CHL1: variants seen among roughly 807,000 people sequenced by gnomAD.
CHL1 encodes the protein cell adhesion molecule L1 like, also known as neural cell adhesion molecule L1-like protein.
In CHL1, 96 loss-of-function variants were observed where a neutral mutation model predicts 141.9. That is an observed-to-expected ratio of 0.68 (90% confidence interval 0.57 to 0.80). CHL1 has a LOEUF of 0.80. Ranked by LOEUF, CHL1 falls within the 30% of genes least tolerant of loss-of-function variation. The pLI is 0.00. For synonymous variants in CHL1, 613 were observed against 502.2 expected, an observed-to-expected ratio of 1.22 and a Z score of -2.95; for missense variants, 1,820 against 1,457.2, an observed-to-expected ratio of 1.25 and a Z score of -4.05.
intron 1 of CHL1, among the ~76,000 whole-genome samples, chr3:209,956 T>C (rs1011612319): frequency 2.6e-5 from 4 of 152,228 alleles, no homozygotes; most frequent in Non-Finnish European, 5.9e-5. Context: ...CACCATTCCA[T>C]TGACTTTTGA....
chr3:312,153 AT>A (rs1321220816), intron 2 of CHL1, among the ~76,000 whole-genome samples: 1 of 152,210 alleles, frequency 6.6e-6, no homozygotes, highest in East Asian at 1.9e-4. Context: ...AAATGATATT[AT>A]TAATGATATT....
chr3:238,769 A>G (rs1269539306), intron 1 of CHL1, among the ~76,000 whole-genome samples: 2 of 52,028 alleles, frequency 3.8e-5, no homozygotes, highest in East Asian at 1.4e-3. Flanking sequence ...TACTAAAAAT[A>G]CAAAAAAAAA....
intron 1 of CHL1, among the ~76,000 whole-genome samples, chr3:230,833 CT>C (rs1701791282): frequency 6.6e-6 from 1 of 152,162 alleles, no homozygotes; most frequent in African/African-American, 2.4e-5. Context: ...GCTGAACAAT[CT>C]CTTTTTTCAG....
At chr3:232,756 A>T (rs939042762) in intron 1 of CHL1, among the ~76,000 whole-genome samples, 5 of 147,972 alleles carry the variant, frequency 3.4e-5, no homozygotes, top group African/African-American at 1.3e-4. Context: ...AGCTCCAGTT[A>T]AAAAAAAAAT....
intron 1 of CHL1, among the ~76,000 whole-genome samples, chr3:204,089 T>C (rs373703751): frequency 2.1e-4 from 32 of 152,348 alleles, no homozygotes; most frequent in Middle Eastern, 3.4e-3. Context: ...TATTCAGTGG[T>C]GTGTTTCAGT....
In CHL1 at chr3:382,686, A is replaced by C. The variant is rs754570790; in HGVS notation, c.2176+15A>C. ...ACCACCAGCAGGTATGCAGGTTCTC[A>C]CATCAGGTTTCTAACAAAATATTTG... On this transcript the variant is annotated intron_variant, in intron 18 of 27. Coordinates refer to ENST00000256509, the MANE Select transcript of CHL1 (RefSeq NM_006614.4). The C allele has an allele frequency of 2.5e-6, 4 of 1,607,178 alleles. No homozygotes were observed. The highest frequency in any genetic ancestry group is 3.4e-6 in the Non-Finnish European group (4 of 1,173,926).
intron 19 of CHL1, among the ~76,000 whole-genome samples, chr3:388,584 T>C (rs1575262779): frequency 6.6e-6 from 1 of 151,314 alleles, no homozygotes; most frequent in African/African-American, 2.4e-5. Context: ...AAAAAAAAAG[T>C]TATTCCTCCA....
At chr3:215,374 A>C (rs1166591403) in intron 1 of CHL1, among the ~76,000 whole-genome samples, 3 of 152,196 alleles carry the variant, frequency 2.0e-5, no homozygotes, top group Non-Finnish European at 4.4e-5. Flanking sequence ...ATGTCACAAA[A>C]GTACAGAGTT....
At chr3:345,762 C>T (rs1702719753) in intron 9 of CHL1, among the ~76,000 whole-genome samples, 1 of 152,202 alleles carries the variant, frequency 6.6e-6, no homozygotes. Context: ...GGATTATAGG[C>T]ATGAGCCACC....
At chr3:309,398 C>CCTTCCTTG (rs1168947294) in intron 2 of CHL1, 1 of 149,216 alleles carries the variant, frequency 6.7e-6, no homozygotes, top group Admixed American at 6.7e-5. Context: ...CTTCCTCCTT[C>CCTTCCTTG]CTTCCTTGCT....
chr3:357,251 C>G (rs9841789), intron 11 of CHL1, among the ~76,000 whole-genome samples: 3 of 151,978 alleles, frequency 2.0e-5, no homozygotes, highest in African/African-American at 7.3e-5. Context: ...CTTTTATAGG[C>G]TGGGATATTT....
chr3:334,237 A>C (rs1701688764), intron 5 of CHL1, among the ~76,000 whole-genome samples: 1 of 152,122 alleles, frequency 6.6e-6, no homozygotes, highest in Admixed American at 6.6e-5. Context: ...GGGTTTTGCT[A>C]TGTTGCCCAC....
chr3:268,716 C>A (rs1237046323), intron 2 of CHL1, among the ~76,000 whole-genome samples: 2 of 152,140 alleles, frequency 1.3e-5, no homozygotes, highest in African/African-American at 4.8e-5. Context: ...AACTTTGAGG[C>A]AGCTATACAT....
At chr3:349,336 A>G (rs750010601) in intron 9 of CHL1, 23 bp from the exon 10 acceptor site, 15 of 1,587,912 alleles carry the variant, frequency 9.4e-6, no homozygotes, top group Non-Finnish European at 1.3e-5. Flanking sequence ...AAAAATGTTT[A>G]TTTATTTAAC....
intron 16 of CHL1, among the ~76,000 whole-genome samples, chr3:380,792 C>G (rs1161955696): frequency 6.6e-6 from 1 of 152,110 alleles, no homozygotes; most frequent in East Asian, 1.9e-4. Context: ...ACCATAAGAC[C>G]TAATGTTTAT....
At chr3:282,213 C>T (rs1422860124) in intron 2 of CHL1, among the ~76,000 whole-genome samples, 2 of 152,078 alleles carry the variant, frequency 1.3e-5, no homozygotes, top group African/African-American at 4.8e-5. Context: ...TAATCTAGAT[C>T]AGATAAAAAT....
chr3:199,428 T>C (rs1269215910), intron 1 of CHL1, among the ~76,000 whole-genome samples: 1 of 152,214 alleles, frequency 6.6e-6, no homozygotes, highest in African/African-American at 2.4e-5. Context: ...GAAACGGCTA[T>C]AGATATTTAT....
intron 1 of CHL1, among the ~76,000 whole-genome samples, chr3:223,600 A>G (rs1701060551): frequency 6.6e-6 from 1 of 152,244 alleles, no homozygotes. Context: ...CAAAAATTGT[A>G]TTATAATTGT....
intron 9 of CHL1, among the ~76,000 whole-genome samples, chr3:345,239 C>A (rs1702663510): frequency 6.6e-6 from 1 of 151,966 alleles, no homozygotes; most frequent in South Asian, 2.1e-4. Context: ...TGAGTTTTCT[C>A]TCTATGCTAT....
Sources: gnomAD v4.1 joint callset for allele counts (sites outside exome capture counted in the v4.1 genomes callset) on GRCh38, gnomAD v4.1.1 for gene constraint, MANE v1.5 for transcripts, NCBI Gene and HGNC (gene_info 2026-07-23, HGNC 2026-07-21) for gene names.